FAM13A: variants seen among roughly 807,000 people sequenced by gnomAD.
The protein encoded by FAM13A is protein FAM13A.
Under a neutral mutation model 129.6 loss-of-function variants are expected in FAM13A, and 76 were observed. The observed-to-expected ratio is 0.59, with a 90% confidence interval of 0.49 to 0.71. The LOEUF is 0.71. FAM13A is among the 30% of genes least tolerant of loss of function. FAM13A has a pLI of 0.00. For synonymous variants in FAM13A, 443 were observed against 449.9 expected (o/e 0.98, Z 0.20); for missense variants, 1,108 against 1,249.3 (o/e 0.89, Z 1.70).
chr4:89,052,173 T>A (rs1265711575), intron 1 of FAM13A, among the ~76,000 whole-genome samples: 1 of 151,830 alleles, frequency 6.6e-6, no homozygotes, highest in Non-Finnish European at 1.5e-5. Flanking sequence ...CCTTTTGGAG[T>A]CACAATGGGG....
chr4:88,945,845 T>TAA (rs1755637493), intron 4 of FAM13A, among the ~76,000 whole-genome samples: 2 of 127,092 alleles, frequency 1.6e-5, no homozygotes, highest in African/African-American at 6.9e-5. Context: ...TATGTGTGTG[T>TAA]GTGTATATAT....
rs115930451 is a variant in FAM13A, at chr4:88,991,042, G to A, written c.536C>T (p.Ala179Val). Reference protein sequence around the residue: ...KYLCQFLTKVAKHHVQNRMNV... With the variant: ...KYLCQFLTKVVKHHVQNRMNV... The stretch of plus-strand genomic sequence containing the variant: ...CATGCGATTCTGCACATGATGCTTG[G>A]CTACTTTTGTCAAGAACTGGCAAAG... Residue 179 changes from alanine (A) to valine (V), a missense_variant, in exon 4 of 24, where the codon GCC becomes GTC. Physicochemically the swap from Ala to Val is moderately conservative, Grantham distance 64. Transcript: ENST00000264344. 6.7e-4 allele frequency: 1,074 copies of A among 1,614,080 alleles called. 5 individuals carry two copies. In the African/African-American group the frequency reaches 0.012, roughly 18 times the overall value.
chr4:88,869,771 C>G (rs148187225), intron 6 of FAM13A, among the ~76,000 whole-genome samples: 1 of 152,158 alleles, frequency 6.6e-6, no homozygotes, highest in East Asian at 1.9e-4. Context: ...ATGTGATAGA[C>G]AATTATGTAT....
At position 88,731,923 on chromosome 4, in the gene FAM13A, T is replaced by G. The variant is rs576323881; in HGVS notation, c.2843+79A>C. On this transcript the variant is annotated intron_variant, in intron 22 of 23. Transcript: ENST00000264344. Reference sequence around the variant, plus strand: ...ACTTGTATTTTATCAGCTAATTTATTTAGATACAAAGGCTAAGATAATATT... The same window carrying G: ...ACTTGTATTTTATCAGCTAATTTATGTAGATACAAAGGCTAAGATAATATT... The G allele has an allele frequency of 1.3e-4, 142 of 1,111,724 alleles. 1 individual carries two copies. The South Asian group carries it at 2.6e-3, about 20-fold the overall frequency. 68.9% of individuals were successfully genotyped at this position (1,111,724 alleles called of 1,614,324 possible).
intron 6 of FAM13A, among the ~76,000 whole-genome samples, chr4:88,856,325 TA>T (rs371348679): frequency 7.5e-5 from 11 of 147,424 alleles, no homozygotes; most frequent in East Asian, 2.0e-4. Context: ...ACAAAATAAT[TA>T]AAAAAAAAAT....
intron 7 of FAM13A, among the ~76,000 whole-genome samples, chr4:88,832,515 C>T (rs1436853160): frequency 2.0e-5 from 3 of 151,870 alleles, no homozygotes; most frequent in Non-Finnish European, 4.4e-5. Context: ...ATTGAGTCTA[C>T]GAGGAACTTA....
intron 13 of FAM13A, among the ~76,000 whole-genome samples, chr4:88,762,352 T>A (rs1280957102): frequency 1.3e-5 from 2 of 152,164 alleles, no homozygotes; most frequent in African/African-American, 4.8e-5. Flanking sequence ...GGCACAGCAG[T>A]GGAGAGATCC....
intron 3 of FAM13A, among the ~76,000 whole-genome samples, chr4:88,994,519 G>A (rs192686772): frequency 1.8e-4 from 27 of 152,294 alleles, no homozygotes; most frequent in African/African-American, 6.5e-4. Context: ...TTAGGAAGAT[G>A]CCTTCTGACG....
At chr4:88,765,826 A>G (rs1370357077) in intron 13 of FAM13A, among the ~76,000 whole-genome samples, 1 of 152,162 alleles carries the variant, frequency 6.6e-6, no homozygotes, top group Non-Finnish European at 1.5e-5. Flanking sequence ...GTCCTAACTG[A>G]AACCATCATG....
chr4:88,861,380 CAAAAAAAA>C (rs373411738), intron 6 of FAM13A, among the ~76,000 whole-genome samples: 1 of 83,908 alleles, frequency 1.2e-5, no homozygotes, highest in East Asian at 3.2e-4. Context: ...GACTCCGTCT[CAAAAAAAA>C]AAAAAAAAAA....
At chr4:88,771,524 C>T (rs577905361) in intron 11 of FAM13A, among the ~76,000 whole-genome samples, 38 of 152,170 alleles carry the variant, frequency 2.5e-4, no homozygotes, top group African/African-American at 7.5e-4. Context: ...CCCTACCAGG[C>T]GTAGTAAGAG....
intron 8 of FAM13A, among the ~76,000 whole-genome samples, chr4:88,799,086 C>T (rs975492263): frequency 1.2e-4 from 18 of 151,938 alleles, no homozygotes; most frequent in East Asian, 3.9e-4. Context: ...CATCTTACTA[C>T]GCAAAAAATA....
intron 19 of FAM13A, 48 bp from the exon 20 acceptor site, chr4:88,739,173 C>T: frequency 1.5e-6 from 2 of 1,298,534 alleles, no homozygotes. Context: ...CTGGGAGTCA[C>T]AACCAGCTGT....
chr4:88,885,456 T>C (rs533172156), intron 6 of FAM13A, among the ~76,000 whole-genome samples: 9 of 152,262 alleles, frequency 5.9e-5, no homozygotes, highest in Admixed American at 2.6e-4. Flanking sequence ...GCAAGCCACA[T>C]GTAGAAGAAT....
intron 7 of FAM13A, among the ~76,000 whole-genome samples, chr4:88,840,730 G>T (rs1251661303): frequency 6.7e-6 from 1 of 150,298 alleles, no homozygotes; most frequent in Non-Finnish European, 1.5e-5. Flanking sequence ...ATTATATTTT[G>T]TAGATCTAAA....
At chr4:88,878,109 G>A (rs1167743254) in intron 6 of FAM13A, among the ~76,000 whole-genome samples, 2 of 151,904 alleles carry the variant, frequency 1.3e-5, no homozygotes, top group African/African-American at 2.4e-5. Flanking sequence ...CTAACACGGT[G>A]AAACCCCGTC....
intron 5 of FAM13A, among the ~76,000 whole-genome samples, chr4:88,907,896 G>C (rs1340506142): frequency 6.6e-6 from 1 of 152,222 alleles, no homozygotes; most frequent in Non-Finnish European, 1.5e-5. Flanking sequence ...GAGGGACTTG[G>C]ATTCTAAGGT....
At chr4:89,017,904 A>G (rs1400704624) in intron 3 of FAM13A, among the ~76,000 whole-genome samples, 1 of 152,202 alleles carries the variant, frequency 6.6e-6, no homozygotes, top group Non-Finnish European at 1.5e-5. Context: ...CACCGTTGAC[A>G]ACCAGAACAA....
intron 10 of FAM13A, among the ~76,000 whole-genome samples, chr4:88,783,606 G>A (rs1333924330): frequency 6.6e-6 from 1 of 152,134 alleles, no homozygotes; most frequent in Admixed American, 6.6e-5. Flanking sequence ...TTTAAATGGA[G>A]GATCTTTAAT....
Sources: gnomAD v4.1 joint callset for allele counts (sites outside exome capture counted in the v4.1 genomes callset) on GRCh38, gnomAD v4.1.1 for gene constraint, MANE v1.5 for transcripts, NCBI Gene and HGNC (gene_info 2026-07-23, HGNC 2026-07-21) for gene names.